Variants in HERC4 observed in about 807,000 individuals in gnomAD.
HERC4 encodes HECT and RLD domain containing E3 ubiquitin protein ligase 4.
HERC4 carries 28 observed loss-of-function variants against 124.3 expected under a neutral mutation model. The observed-to-expected ratio is 0.23, with a 90% CI of 0.17 to 0.31. HERC4 has a LOEUF of 0.31. HERC4 is among the 10% of genes least tolerant of loss of function. The pLI is 1.00. For synonymous variants in HERC4, 407 were observed against 421.5 expected (o/e 0.97, Z 0.42); for missense variants, 713 against 1,229.3 (o/e 0.58, Z 6.28).
intron 8 of HERC4, among the ~76,000 whole-genome samples, chr10:68,014,582 C>T (rs757435185): frequency 6.6e-6 from 1 of 152,064 alleles, no homozygotes; most frequent in African/African-American, 2.4e-5. Context: ...TGGGTATCAC[C>T]GAGAAGTTTT....
chr10:68,065,156 A>T (rs1451487413), intron 3 of HERC4, among the ~76,000 whole-genome samples: 1 of 152,152 alleles, frequency 6.6e-6, no homozygotes, highest in East Asian at 1.9e-4. Flanking sequence ...TTGTAATCAG[A>T]AACATATATG....
chr10:67,970,546 T>G (rs906081203), intron 15 of HERC4, among the ~76,000 whole-genome samples: 3 of 150,984 alleles, frequency 2.0e-5, no homozygotes, highest in Admixed American at 6.6e-5. Context: ...GAGCTGAGAT[T>G]GCACCACTGC....
chr10:68,020,440 A>G (rs1002530601), intron 8 of HERC4, among the ~76,000 whole-genome samples: 1 of 152,130 alleles, frequency 6.6e-6, no homozygotes, highest in African/African-American at 2.4e-5. Context: ...ATGTATGAAC[A>G]AAACGGAAAT....
chr10:67,943,183 T>TCAAATTAA (rs1017745100), intron 19 of HERC4, among the ~76,000 whole-genome samples: 17 of 152,234 alleles, frequency 1.1e-4, no homozygotes, highest in Non-Finnish European at 1.3e-4. Context: ...TTTTCAGTGG[T>TCAAATTAA]CAAATTAATC....
chr10:67,950,715 G>C (rs971465415), intron 19 of HERC4, among the ~76,000 whole-genome samples: 2 of 152,208 alleles, frequency 1.3e-5, no homozygotes, highest in African/African-American at 2.4e-5. Flanking sequence ...AGAAGTATCA[G>C]TTTGATTTCA....
At position 68,059,219 on chromosome 10, in the gene HERC4, T is replaced by G. The variant is rs576539467; in HGVS notation, c.226+13664A>C. Among the ~76,000 whole-genome samples the G allele has an allele frequency of 4.0e-5, 6 of 151,826 alleles. No homozygotes were observed. In the South Asian group the frequency reaches 1.2e-3, roughly 32 times the overall value. On this transcript the variant is annotated intron_variant, in intron 3 of 24. Transcript: ENST00000373700. ...TGAACTTGAGTATATATTTGTCTAC[T>G]TCCCTCAAAAGCCATTTGACATTTT...
At chr10:67,996,287 G>A (rs1415345901) in intron 9 of HERC4, 2 of 310,316 alleles carry the variant, frequency 6.4e-6, no homozygotes, top group South Asian at 2.3e-5. Context: ...ATATTGTCAG[G>A]GAAAATTTTG....
chr10:68,073,127 C>G lies in HERC4; in HGVS notation c.-19G>C. ...ACAACATGCTTGTAATTATTTTGGT[C>G]TTCCAGTTTCAATAAAAAATTCTCT... is the stretch of plus-strand genomic sequence containing the variant. On this transcript the variant is annotated 5_prime_UTR_variant, in exon 3 of 25. Coordinates refer to ENST00000373700, the MANE Select transcript of HERC4 (RefSeq NM_015601.4). 6.3e-7 allele frequency: 1 copy of G among 1,592,698 alleles called. No individual in the cohort carries two copies. Among genetic ancestry groups the G allele is most frequent in the East Asian group, 2.2e-5 (1 of 44,586 alleles).
rs574856408 is a variant in HERC4 at position 68,011,667 on chromosome 10, C to T, written c.1069+2359G>A. On this transcript the variant is annotated intron_variant, in intron 9 of 24. Coordinates refer to ENST00000373700, the MANE Select transcript of HERC4 (RefSeq NM_015601.4). ...GTACACCATGCTGTAAACAGATGAG[C>T]TGTCATCCAGGCTTTGTTGTTCCAT... Among the ~76,000 whole-genome samples, 132 of 152,336 alleles carry T rather than the reference C, an allele frequency of 8.7e-4. 1 individual carries two copies. The highest frequency in any genetic ancestry group is 2.7e-3 in the African/African-American group (114 of 41,582).
Position 68,038,291 on chromosome 10 carries a change from T to C in HERC4, c.387-122A>G, listed in dbSNP as rs2133418330. The C allele has an allele frequency of 1.4e-5, 6 of 443,128 alleles. No individual in the cohort carries two copies. In the East Asian group the frequency reaches 1.8e-4, roughly 13 times the overall value. 27.4% of individuals were successfully genotyped at this position (443,128 alleles called of 1,614,324 possible). On this transcript the variant is annotated intron_variant, in intron 4 of 24. Coordinates refer to ENST00000373700, the MANE Select transcript of HERC4 (RefSeq NM_015601.4). ...ACATAGGTCATATTATTTTTTTTCATACAAGCTCAATTTTAGCGTACCAAA... is the reference window on the plus strand; with the variant it reads ...ACATAGGTCATATTATTTTTTTTCACACAAGCTCAATTTTAGCGTACCAAA...
At position 67,988,649 on chromosome 10, in the gene HERC4, A is replaced by G. The variant is rs1303349365; in HGVS notation, c.1806+14T>C. 1.4e-6 allele frequency: 2 copies of G among 1,445,694 alleles called. No homozygotes were observed. Among genetic ancestry groups the G allele is most frequent in the Non-Finnish European group, 1.9e-6 (2 of 1,066,232 alleles). 89.6% of individuals were successfully genotyped at this position (1,445,694 alleles called of 1,614,324 possible). A position where few individuals can be genotyped will look rare whatever the true frequency, so the allele number is the denominator to read the frequency against. ...AATGGGGAAAGAGGAAAATAAAGGA[A>G]TGATTGGACATACCCTATGTAGTAT... On this transcript the variant is annotated intron_variant, in intron 15 of 24. Coordinates refer to ENST00000373700, the MANE Select transcript of HERC4 (RefSeq NM_015601.4).
At chr10:68,014,303 C>A in intron 8 of HERC4, 117 bp from the exon 9 acceptor site, 1 of 875,146 alleles carries the variant, frequency 1.1e-6, no homozygotes, top group Non-Finnish European at 1.7e-6. Context: ...TTAATAAAAC[C>A]AATTGTAGTT....
chr10:68,005,081 A>G (rs1009991793), intron 9 of HERC4, among the ~76,000 whole-genome samples: 2 of 152,146 alleles, frequency 1.3e-5, no homozygotes, highest in Non-Finnish European at 2.9e-5. Context: ...TACTGTACAT[A>G]TATGAATTTA....
intron 3 of HERC4, among the ~76,000 whole-genome samples, chr10:68,061,879 T>TAA (rs71470503): frequency 0.15 from 7,979 of 54,674 alleles, 1,037 homozygotes; most frequent in African/African-American, 0.18. Context: ...AGACTCCATT[T>TAA]AAAAAAAAAA....
intron 15 of HERC4, among the ~76,000 whole-genome samples, chr10:67,977,353 C>T (rs2035655421): frequency 6.6e-6 from 1 of 152,172 alleles, no homozygotes; most frequent in South Asian, 2.1e-4. Flanking sequence ...CCAGTCCTGA[C>T]AGCTTTCATT....
At chr10:68,057,638 A>AG (rs201656147) in intron 3 of HERC4, among the ~76,000 whole-genome samples, 6,346 of 151,330 alleles carry the variant, frequency 0.042, 486 homozygotes, top group African/African-American at 0.15. Flanking sequence ...AAAAAAAAAA[A>AG]GTATAACTAA....
intron 16 of HERC4, among the ~76,000 whole-genome samples, chr10:67,964,350 C>T (rs1056322530): frequency 2.6e-5 from 4 of 152,278 alleles, no homozygotes; most frequent in African/African-American, 7.2e-5. Context: ...TTTCCCTCTA[C>T]CACACCTGCT....
intron 8 of HERC4, 122 bp from the exon 9 acceptor site, chr10:68,014,308 G>T: frequency 2.4e-6 from 2 of 843,890 alleles, no homozygotes; most frequent in Non-Finnish European, 3.5e-6. Context: ...AAAACCAATT[G>T]TAGTTCCAAA....
intron 3 of HERC4, among the ~76,000 whole-genome samples, chr10:68,046,464 C>T (rs985632873): frequency 2.6e-5 from 4 of 152,124 alleles, no homozygotes; most frequent in Admixed American, 6.5e-5. Flanking sequence ...CCAAAATCCA[C>T]GAAACAAAGA....
Sources: gnomAD v4.1 joint callset for allele counts (sites outside exome capture counted in the v4.1 genomes callset) on GRCh38, gnomAD v4.1.1 for gene constraint, MANE v1.5 for transcripts, NCBI Gene and HGNC (gene_info 2026-07-23, HGNC 2026-07-21) for gene names.